EVL: variants seen among roughly 807,000 people sequenced by gnomAD.
EVL encodes Enah/Vasp-like.
In EVL, 21 loss-of-function variants were observed where a neutral mutation model predicts 59.6. The ratio of observed to expected loss-of-function variants is 0.35; its 90% CI spans 0.25 to 0.51. The LOEUF (loss-of-function observed/expected upper bound fraction) is 0.51. Among genes scored for constraint, EVL ranks in the 20% least tolerant of loss-of-function variants. The pLI, the probability that EVL is intolerant of heterozygous loss-of-function variation, is 0.97. For synonymous variants in EVL, 198 were observed against 203.5 expected, an observed-to-expected ratio of 0.97 and a Z score of 0.23; for missense variants, 462 against 546.6, an observed-to-expected ratio of 0.85 and a Z score of 1.54.
chr14:100,084,203 C>T (rs1326283163), intron 1 of EVL, among the ~76,000 whole-genome samples: 1 of 151,924 alleles, frequency 6.6e-6, no homozygotes, highest in Non-Finnish European at 1.5e-5. Context: ...AGGCATGTGC[C>T]ACCGTGCCTG....
chr14:100,016,078 CAAA>C (rs756318037), intron 1 of EVL, among the ~76,000 whole-genome samples: 1 of 90,128 alleles, frequency 1.1e-5, no homozygotes. Context: ...GACTCTGTCT[CAAA>C]AAAAAAAAAA....
At position 100,137,613 on chromosome 14, in the gene EVL, G is replaced by A. The variant is rs1316188392; in HGVS notation, c.1000G>A (p.Val334Met). 6.2e-7 allele frequency: 1 copy of A among 1,614,088 alleles called. No individual in the cohort carries two copies. Among genetic ancestry groups the A allele is most frequent in the Non-Finnish European group, 8.5e-7 (1 of 1,180,034 alleles). The change falls in exon 10 of 14, where the codon GTG (valine) becomes ATG (methionine). Residue 334 changes from valine to methionine, a missense_variant. Coordinates refer to ENST00000392920, the MANE Select transcript of EVL (RefSeq NM_016337.3). ...GAAGCCCTGGGAGCGGAGCAACTCG[G>A]TGGAGAAGCCTGTGTCCTCGATTCT... is the stretch of plus-strand genomic sequence containing the variant. ...GRKPWERSNSVEKPVSSILSR... is the reference protein window; with the variant it reads ...GRKPWERSNSMEKPVSSILSR...
At chr14:100,068,816 G>A (rs76956200) in intron 1 of EVL, among the ~76,000 whole-genome samples, 1,851 of 152,238 alleles carry the variant, frequency 0.012, 34 homozygotes, top group African/African-American at 0.042. Flanking sequence ...CAGGTTCCCA[G>A]GAAATGTGGG....
intron 1 of EVL, among the ~76,000 whole-genome samples, chr14:100,016,702 T>G (rs910831747): frequency 1.3e-5 from 2 of 152,198 alleles, no homozygotes; most frequent in African/African-American, 2.4e-5. Context: ...CTCACTTATG[T>G]TTCTGTTTCT....
intron 2 of EVL, among the ~76,000 whole-genome samples, chr14:100,095,721 T>TTTGTTG (rs59077179): frequency 1.2e-4 from 18 of 151,978 alleles, no homozygotes; most frequent in South Asian, 2.1e-4. Context: ...AATTACAGGT[T>TTTGTTG]TTGTTGTTGT....
upstream of EVL, among the ~76,000 whole-genome samples, chr14:100,062,750 G>A (rs910220656): frequency 1.3e-5 from 2 of 152,152 alleles, no homozygotes; most frequent in African/African-American, 4.8e-5. Context: ...ATGGGTAGTA[G>A]GCAGAGTAAT....
At chr14:100,110,652 C>T (rs938131744) in intron 3 of EVL, among the ~76,000 whole-genome samples, 4 of 152,150 alleles carry the variant, frequency 2.6e-5, no homozygotes, top group Non-Finnish European at 5.9e-5. Flanking sequence ...TCCCTCGGCA[C>T]ATTGGTAGTA....
At chr14:100,037,896 A>T (rs1212218582) in intron 1 of EVL, among the ~76,000 whole-genome samples, 1 of 152,232 alleles carries the variant, frequency 6.6e-6, no homozygotes, top group Admixed American at 6.5e-5. Context: ...TTATTCAACT[A>T]TTGAGGGCCG....
intron 1 of EVL, among the ~76,000 whole-genome samples, chr14:100,051,066 A>G (rs973255523): frequency 6.6e-5 from 10 of 152,164 alleles, no homozygotes; most frequent in Non-Finnish European, 1.5e-4. Flanking sequence ...TTACTAGCAT[A>G]CAGTAGTTCC....
chr14:100,136,833 G>A (rs894009016), intron 9 of EVL, among the ~76,000 whole-genome samples: 5 of 152,172 alleles, frequency 3.3e-5, no homozygotes, highest in African/African-American at 7.2e-5. Context: ...AGTGGGCTAC[G>A]TGGTTCCCAT....
chr14:100,084,971 CAG>C lies in EVL; in HGVS notation c.180+119_180+120del, dbSNP rs1458533525. The C allele has an allele frequency of 7.8e-6, 9 of 1,147,188 alleles. No individual in the cohort carries two copies. The East Asian group carries it at 9.8e-5, about 12-fold the overall frequency. 71.1% of individuals were successfully genotyped at this position (1,147,188 alleles called of 1,614,324 possible). On this transcript the variant is annotated intron_variant, in intron 2 of 13. Transcript: ENST00000392920. ...GAACAAAAAGGTCAATATTCGGAATCAGAGGACCTGGGCTCAGATTTTGACTC... is the reference window on the plus strand; with the variant it reads ...GAACAAAAAGGTCAATATTCGGAATCAGGACCTGGGCTCAGATTTTGACTC...
At chr14:99,994,112 CTTTTTTT>C (rs751533422) in intron 1 of EVL, among the ~76,000 whole-genome samples, 3 of 55,154 alleles carry the variant, frequency 5.4e-5, no homozygotes, top group Non-Finnish European at 9.9e-5. Context: ...AGCCTTTTGG[CTTTTTTT>C]TTTTTTTTTT....
intron 1 of EVL, among the ~76,000 whole-genome samples, chr14:100,021,243 C>T (rs568831029): frequency 3.9e-5 from 6 of 152,154 alleles, no homozygotes; most frequent in African/African-American, 9.6e-5. Flanking sequence ...CACATCCACT[C>T]GCATTGTGGT....
chr14:100,105,390 C>T lies in EVL; in HGVS notation c.358+7732C>T, dbSNP rs549972567. ...AGACTGAGACTCAGGAGGCCTGGCT[C>T]TTGCCCTAGTCCCACCATCTGCTGA... On this transcript the variant is annotated intron_variant, in intron 3 of 13. Transcript: ENST00000392920. Among the ~76,000 whole-genome samples, 15 of 152,260 alleles carry T rather than the reference C, an allele frequency of 9.9e-5. No homozygotes were observed. In the South Asian group the frequency reaches 2.9e-3, roughly 29 times the overall value.
At chr14:100,042,963 C>T (rs1167356682) in intron 1 of EVL, among the ~76,000 whole-genome samples, 2 of 152,118 alleles carry the variant, frequency 1.3e-5, no homozygotes, top group Admixed American at 6.5e-5. Flanking sequence ...TGTCTCAAGG[C>T]CACCTGAGAT....
intron 1 of EVL, among the ~76,000 whole-genome samples, chr14:99,985,718 GA>G (rs1299553417): frequency 1.3e-5 from 2 of 150,852 alleles, no homozygotes; most frequent in African/African-American, 4.9e-5. Flanking sequence ...GGTGAGCCAA[GA>G]TTGCGCCATT....
rs913240951 is a variant in EVL, at chr14:99,979,477, C to CT, written c.5+7430dup. On this transcript the variant is annotated intron_variant, in intron 1 of 13. Transcript: ENST00000402714. ...TTTTTCTAGAATTTTAATTATTAAA[C>CT]TTTTTTTTTTCAGTTATATGTGAAG... is the stretch of plus-strand genomic sequence containing the variant. 1.2e-4 allele frequency among the ~76,000 whole-genome samples: 18 copies of CT among 149,540 alleles called. 1 individual carries two copies. The highest frequency in any genetic ancestry group is 2.1e-4 in the South Asian group (1 of 4,718).
chr14:100,073,242 A>G (rs59942144), intron 1 of EVL, among the ~76,000 whole-genome samples: 25,265 of 151,576 alleles, frequency 0.17, 2,814 homozygotes, highest in African/African-American at 0.31. Context: ...CTTCATGACA[A>G]CATCCCTTGG....
chr14:100,004,863 T>C (rs543783840), intron 1 of EVL, among the ~76,000 whole-genome samples: 1 of 152,352 alleles, frequency 6.6e-6, no homozygotes, highest in African/African-American at 2.4e-5. Context: ...AGGACACATG[T>C]ATTTTTTTAG....
Sources: allele counts gnomAD v4.1 joint callset (sites outside exome capture counted in the v4.1 genomes callset), GRCh38; gene constraint gnomAD v4.1.1; transcripts MANE v1.5; gene names NCBI Gene and HGNC (gene_info 2026-07-23, HGNC 2026-07-21).